Variants in WWP2 observed in about 807,000 individuals in gnomAD.
WWP2 encodes NEDD4-like E3 ubiquitin-protein ligase WWP2.
In WWP2, 57 loss-of-function variants were observed where a neutral mutation model predicts 121.0. The ratio of observed to expected loss-of-function variants is 0.47; its 90% confidence interval spans 0.38 to 0.59. The LOEUF is 0.59. WWP2 is among the 20% of genes least tolerant of loss of function. The pLI is 0.00. For synonymous variants in WWP2, 449 were observed against 441.3 expected, an observed-to-expected ratio of 1.02 and a Z score of -0.22; for missense variants, 962 against 1,158.9, an observed-to-expected ratio of 0.83 and a Z score of 2.47.
intron 8 of WWP2, among the ~76,000 whole-genome samples, chr16:69,904,118 C>T (rs1320547682): frequency 2.0e-5 from 3 of 152,222 alleles, no homozygotes; most frequent in African/African-American, 7.2e-5. Context: ...ATATCTTTCT[C>T]AGGACTTTCT....
At chr16:69,829,216 A>G (rs986096329) in intron 4 of WWP2, among the ~76,000 whole-genome samples, 1 of 151,806 alleles carries the variant, frequency 6.6e-6, no homozygotes, top group Non-Finnish European at 1.5e-5. Flanking sequence ...TGGCTGCCAA[A>G]ATTTTCATCT....
At chr16:69,800,637 T>C (rs1394993416) in intron 4 of WWP2, among the ~76,000 whole-genome samples, 1 of 151,150 alleles carries the variant, frequency 6.6e-6, no homozygotes, top group Non-Finnish European at 1.5e-5. Context: ...CAATCTCGGC[T>C]CACTGCAACC....
At position 69,809,790 on chromosome 16, in the gene WWP2, CAGAG is replaced by C. The variant is rs139573012; in HGVS notation, c.340+10511_340+10514del. ...TCAGAAAGAGAAAGAGAGAGAGAGA[CAGAG>C]AGAGAGAGAGAGAGATAGGAAGGAA... On this transcript the variant is annotated intron_variant, in intron 4 of 23. Coordinates refer to ENST00000359154, the MANE Select transcript of WWP2 (RefSeq NM_001270454.2). 2.7e-4 allele frequency among the ~76,000 whole-genome samples: 37 copies of C among 138,206 alleles called. No homozygotes were observed. The South Asian group carries it at 5.7e-3, about 21-fold the overall frequency. The allele number at this position is 138,206 out of a possible 152,430, so 90.7% of individuals were successfully genotyped here.
intron 8 of WWP2, among the ~76,000 whole-genome samples, chr16:69,904,377 CTT>C (rs538245676): frequency 2.7e-4 from 37 of 137,228 alleles, no homozygotes; most frequent in Admixed American, 5.9e-4. Context: ...TGCGCATTTT[CTT>C]TTTTTTTTTT....
At position 69,867,157 on chromosome 16, in the gene WWP2, T is replaced by A. The variant is rs548835010; in HGVS notation, c.576-4647T>A. Among the ~76,000 whole-genome samples the A allele has an allele frequency of 6.6e-3, 975 of 146,884 alleles. 8 individuals carry two copies. Among genetic ancestry groups the A allele is most frequent in the African/African-American group, 0.023 (917 of 39,084 alleles). Reference sequence around the variant, plus strand: ...GGCCAAGGCTTTTTTTTTTTTTTTTTAAACCAAACAAACAAAATCCTGTTT... The same window carrying A: ...GGCCAAGGCTTTTTTTTTTTTTTTTAAAACCAAACAAACAAAATCCTGTTT... On this transcript the variant is annotated intron_variant, in intron 6 of 23. Coordinates refer to ENST00000359154, the MANE Select transcript of WWP2 (RefSeq NM_001270454.2).
At chr16:69,892,627 G>A (rs76170784) in intron 8 of WWP2, among the ~76,000 whole-genome samples, 2 of 152,096 alleles carry the variant, frequency 1.3e-5, no homozygotes, top group African/African-American at 2.4e-5. Context: ...TCAGCCTCAC[G>A]GGCTCAAGTG....
intron 1 of WWP2, among the ~76,000 whole-genome samples, chr16:69,774,520 G>T (rs113267902): frequency 1.3e-5 from 2 of 152,246 alleles, no homozygotes; most frequent in Non-Finnish European, 2.9e-5. Context: ...GCCTCCTAAG[G>T]TGCTGGGATT....
At chr16:69,938,877 T>C in intron 21 of WWP2, 150 bp from the exon 22 acceptor site, 1 of 653,002 alleles carries the variant, frequency 1.5e-6, no homozygotes, top group Non-Finnish European at 2.8e-6. Context: ...TTCTGGGGTT[T>C]CTCAGGTTGG....
In WWP2 at chr16:69,925,159, G is replaced by C; in HGVS notation, c.1180-271G>C. The C allele has an allele frequency of 8.1e-7, 1 of 1,227,282 alleles. No individual in the cohort carries two copies. The highest frequency in any genetic ancestry group is 1.0e-6 in the Non-Finnish European group (1 of 977,966). 76.0% of individuals were successfully genotyped at this position (1,227,282 alleles called of 1,614,324 possible). On this transcript the variant is annotated intron_variant, in intron 10 of 23. Transcript: ENST00000359154. This position sits in a 1 kb window ranked among gnomAD's most constrained non-coding sequence, Gnocchi z 4.0. ...CCGCCACCCTGGCACACCTTCACCCGCGTACCGCCTCCTCCCCGTCGCTCT... is the reference window on the plus strand; with the variant it reads ...CCGCCACCCTGGCACACCTTCACCCCCGTACCGCCTCCTCCCCGTCGCTCT...
intron 19 of WWP2, 116 bp downstream of exon 19, chr16:69,936,568 T>C (rs1223727564): frequency 6.9e-7 from 1 of 1,454,636 alleles, no homozygotes; most frequent in Non-Finnish European, 9.3e-7. Flanking sequence ...CCATTTGCAT[T>C]TGCCTTGATG....
intron 4 of WWP2, among the ~76,000 whole-genome samples, chr16:69,803,792 C>T (rs886715110): frequency 3.9e-5 from 6 of 152,122 alleles, no homozygotes; most frequent in African/African-American, 7.2e-5. Flanking sequence ...CCTGTAATCC[C>T]AGCTACTCAG....
chr16:69,817,227 A>G (rs1369663325), intron 4 of WWP2, among the ~76,000 whole-genome samples: 1 of 152,078 alleles, frequency 6.6e-6, no homozygotes, highest in East Asian at 1.9e-4. Context: ...GTCAGTTTTA[A>G]TGGCTACAGT....
At chr16:69,860,115 C>T (rs957247115) in intron 6 of WWP2, among the ~76,000 whole-genome samples, 14 of 151,580 alleles carry the variant, frequency 9.2e-5, no homozygotes, top group African/African-American at 3.4e-4. Flanking sequence ...GTGGGAGGAT[C>T]ACTTCACCTT....
chr16:69,766,203 C>T (rs1203561790), intron 1 of WWP2, among the ~76,000 whole-genome samples: 1 of 152,170 alleles, frequency 6.6e-6, no homozygotes, highest in Non-Finnish European at 1.5e-5. Flanking sequence ...ACCTTGGAGT[C>T]ACCCTTGACT....
chr16:69,835,105 C>G (rs1159471052), intron 4 of WWP2, among the ~76,000 whole-genome samples: 1 of 152,090 alleles, frequency 6.6e-6, no homozygotes, highest in Non-Finnish European at 1.5e-5. Context: ...GAAATAGACT[C>G]ACTAAACCTA....
chr16:69,930,399 T>C (rs1177446529), intron 13 of WWP2, 141 bp downstream of exon 13: 1 of 1,351,062 alleles, frequency 7.4e-7, no homozygotes, highest in Non-Finnish European at 9.9e-7. Context: ...AATGTTGATG[T>C]CATATTAAAG....
In WWP2 at chr16:69,799,581, G is replaced by T; in HGVS notation, c.340+286G>T. On this transcript the variant is annotated intron_variant, in intron 4 of 23. Transcript: ENST00000359154. The surrounding 1 kb of genome is among the most constrained non-coding windows in gnomAD (Gnocchi z 4.5). ...TCTGTCTGCCTCTGCTCCTCTTCCC[G>T]TTGCAGGAGATGTGTGATATGTTGA... 3.0e-6 allele frequency: 1 copy of T among 337,862 alleles called. No individual in the cohort carries two copies. Among genetic ancestry groups the T allele is most frequent in the Non-Finnish European group, 5.5e-6 (1 of 182,488 alleles). The allele number at this position is 337,862 out of a possible 1,614,324, so 20.9% of individuals were successfully genotyped here.
chr16:69,922,632 C>T (rs1188531900), intron 10 of WWP2, among the ~76,000 whole-genome samples: 2 of 152,216 alleles, frequency 1.3e-5, no homozygotes, highest in African/African-American at 4.8e-5. Context: ...AGAGGAGGGG[C>T]AGCCGGTTGG....
chr16:69,903,967 G>T (rs903023733), intron 8 of WWP2, among the ~76,000 whole-genome samples: 2 of 152,170 alleles, frequency 1.3e-5, no homozygotes, highest in Non-Finnish European at 2.9e-5. Flanking sequence ...TTCAAGGAAG[G>T]GAAGGATGCA....
Sources: gnomAD v4.1 joint callset for allele counts (sites outside exome capture counted in the v4.1 genomes callset) on GRCh38, gnomAD v4.1.1 for gene constraint, Gnocchi (gnomAD v3.1) non-coding constraint, MANE v1.5 for transcripts, NCBI Gene and HGNC (gene_info 2026-07-23, HGNC 2026-07-21) for gene names.